Variants in CSTL1 observed in about 807,000 individuals in gnomAD.
CSTL1 encodes the protein cystatin-like 1.
Under a neutral mutation model 14.4 loss-of-function variants are expected in CSTL1, and 14 were observed. The ratio of observed to expected loss-of-function variants is 0.97; its 90% CI spans 0.64 to 1.52. The LOEUF (loss-of-function observed/expected upper bound fraction) is 1.52. CSTL1 is among the 40% of genes most tolerant of loss of function. The pLI, the probability that CSTL1 is intolerant of heterozygous loss-of-function variation, is 0.00. For missense variants in CSTL1, 170 were observed against 168.7 expected (o/e 1.01, Z -0.04); for synonymous variants, 72 against 67.5 (o/e 1.07, Z -0.33).
rs780952032 is a variant in CSTL1 at position 23,440,232 on chromosome 20, G to A, written c.-36G>A. 32 of 1,606,954 alleles carry A rather than the reference G, an allele frequency of 2.0e-5. No individual in the cohort carries two copies. The highest frequency in any genetic ancestry group is 6.7e-5 in the African/African-American group (5 of 74,744). ...AGCCTGGCACCACCACACCCTGGAA[G>A]GTGCAGTTGGGAAGAAAGTTTCTGA... is the stretch of plus-strand genomic sequence containing the variant. On this transcript the variant is annotated 5_prime_UTR_variant, in exon 2 of 4. Coordinates refer to ENST00000347397, the MANE Select transcript of CSTL1 (RefSeq NM_138283.1).
chr20:23,445,231 CT>C (rs11478198), downstream of CSTL1, among the ~76,000 whole-genome samples: 7,511 of 134,086 alleles, frequency 0.056, 461 homozygotes, highest in African/African-American at 0.19. Context: ...TTCTTTCTTT[CT>C]TTTTTTTTTT....
downstream of CSTL1, among the ~76,000 whole-genome samples, chr20:23,446,134 T>C (rs1421940615): frequency 3.3e-5 from 5 of 152,188 alleles, no homozygotes; most frequent in African/African-American, 7.2e-5. Context: ...GTACAGAGAA[T>C]GTAAACACAC....
chr20:23,448,641 G>C (rs1039193471), downstream of CSTL1, among the ~76,000 whole-genome samples: 1 of 152,172 alleles, frequency 6.6e-6, no homozygotes, highest in Non-Finnish European at 1.5e-5. Context: ...CCCCCACAAC[G>C]TTGGCTGAGA....
At chr20:23,446,445 A>G (rs1284710025), downstream of CSTL1, among the ~76,000 whole-genome samples, 2 of 151,924 alleles carry the variant, frequency 1.3e-5, no homozygotes, top group African/African-American at 2.4e-5. Context: ...TTTAGTAGAG[A>G]CAGGGTTTCA....
chr20:23,458,402 G>A, the CSTL1 span: 3 of 152,198 alleles, frequency 2.0e-5, no homozygotes, highest in Admixed American at 2.0e-4. Context: ...AACTCCAGTG[G>A]CTTTGTAAGT....
chr20:23,445,133 C>T (rs564636083), downstream of CSTL1, among the ~76,000 whole-genome samples: 1 of 152,208 alleles, frequency 6.6e-6, no homozygotes, highest in South Asian at 2.1e-4. Flanking sequence ...CCCACCCACT[C>T]ACTCCTACAT....
downstream of CSTL1, among the ~76,000 whole-genome samples, chr20:23,448,842 T>G (rs538275260): frequency 1.3e-5 from 2 of 152,332 alleles, no homozygotes; most frequent in African/African-American, 4.8e-5. Context: ...AATGCCTGCT[T>G]CGTGTTAGGC....
chr20:23,450,295 C>A, the CSTL1 span: 1 of 431,758 alleles, frequency 2.3e-6, no homozygotes, highest in Non-Finnish European at 4.1e-6. Flanking sequence ...TAATGTAGGT[C>A]ACCTCATTTG....
chr20:23,458,726 T>C, the CSTL1 span: 2 of 152,142 alleles, frequency 1.3e-5, no homozygotes, highest in African/African-American at 2.4e-5. Flanking sequence ...CCCTGAACCA[T>C]TGGAGGTGGA....
At chr20:23,455,681 C>T in the CSTL1 span, among the ~76,000 whole-genome samples, 1 of 152,236 alleles carries the variant, frequency 6.6e-6, no homozygotes, top group East Asian at 1.9e-4. Flanking sequence ...TGCAAACATG[C>T]CTTGCCAGTT....
intron 2 of CSTL1, among the ~76,000 whole-genome samples, chr20:23,443,175 A>T (rs1986877231): frequency 6.6e-6 from 1 of 152,212 alleles, no homozygotes; most frequent in Non-Finnish European, 1.5e-5. Flanking sequence ...AGTAAAATTT[A>T]CAGAGTCTGC....
chr20:23,445,885 C>T (rs1231775879), downstream of CSTL1, among the ~76,000 whole-genome samples: 5 of 151,992 alleles, frequency 3.3e-5, no homozygotes, highest in Admixed American at 2.0e-4. Context: ...AGGTGCATGG[C>T]GCTAGGTCAG....
At chr20:23,459,779 G>C in the CSTL1 span, among the ~76,000 whole-genome samples, 1 of 152,200 alleles carries the variant, frequency 6.6e-6, no homozygotes, top group Non-Finnish European at 1.5e-5. Context: ...TGAACACATG[G>C]ATGATTGAAT....
chr20:23,452,034 C>T, the CSTL1 span: 44 of 668,624 alleles, frequency 6.6e-5, no homozygotes, highest in Middle Eastern at 4.1e-4. Context: ...TGGTCCTAGG[C>T]GGATTAGCGG....
At chr20:23,444,466 C>T (rs1258346665) in intron 3 of CSTL1, among the ~76,000 whole-genome samples, 1 of 152,208 alleles carries the variant, frequency 6.6e-6, no homozygotes, top group Non-Finnish European at 1.5e-5. Flanking sequence ...TGGGGAGGTG[C>T]AGGAGGAGGT....
chr20:23,455,513 G>C, the CSTL1 span, among the ~76,000 whole-genome samples: 1 of 152,248 alleles, frequency 6.6e-6, no homozygotes, highest in Non-Finnish European at 1.5e-5. Context: ...TCTAGCACGT[G>C]GTGGGGCAGG....
chr20:23,457,100 G>A, the CSTL1 span, among the ~76,000 whole-genome samples: 17 of 152,238 alleles, frequency 1.1e-4, no homozygotes, highest in African/African-American at 3.9e-4. Context: ...TCTCCCTTCC[G>A]GCTGCCGGTT....
chr20:23,440,753 ACT>A (rs1391607598), intron 2 of CSTL1: 9 of 472,788 alleles, frequency 1.9e-5, no homozygotes, highest in Middle Eastern at 4.8e-4. Flanking sequence ...TGAGGATTAA[ACT>A]CTTTTTTTTT....
chr20:23,451,849 C>A, the CSTL1 span: 2 of 1,614,076 alleles, frequency 1.2e-6, no homozygotes, highest in Non-Finnish European at 1.7e-6. Flanking sequence ...GGACACAGTT[C>A]GTGGTCTCTG....
Sources: gnomAD v4.1 joint callset for allele counts (sites outside exome capture counted in the v4.1 genomes callset) on GRCh38, gnomAD v4.1.1 for gene constraint, MANE v1.5 for transcripts, NCBI Gene and HGNC (gene_info 2026-07-23, HGNC 2026-07-21) for gene names.